Variants in SPRYD7 observed in about 807,000 individuals in gnomAD.
The protein encoded by SPRYD7 is SPRY domain-containing protein 7.
SPRYD7 carries 14 observed loss-of-function variants against 23.8 expected under a neutral mutation model. The ratio of observed to expected loss-of-function variants is 0.59; its 90% CI spans 0.39 to 0.92. The LOEUF (loss-of-function observed/expected upper bound fraction) is 0.92. SPRYD7 is among the 40% of genes least tolerant of loss of function. SPRYD7 has a pLI of 0.00. For synonymous variants in SPRYD7, 75 were observed against 84.9 expected (o/e 0.88, Z 0.64); for missense variants, 194 against 241.7 (o/e 0.80, Z 1.31).
intron 3 of SPRYD7, among the ~76,000 whole-genome samples, chr13:49,922,468 A>C (rs1955832360): frequency 6.6e-6 from 1 of 152,050 alleles, no homozygotes; most frequent in African/African-American, 2.4e-5. Context: ...TTACAGATGA[A>C]GCTAAAGCAC....
At chr13:49,930,453 T>C (rs1384109477) in intron 2 of SPRYD7, among the ~76,000 whole-genome samples, 1 of 151,986 alleles carries the variant, frequency 6.6e-6, no homozygotes, top group Non-Finnish European at 1.5e-5. Flanking sequence ...TGGTGGTGCA[T>C]GCCTGTAATC....
intron 4 of SPRYD7, among the ~76,000 whole-genome samples, chr13:49,919,125 A>G (rs971903082): frequency 2.0e-5 from 3 of 152,088 alleles, no homozygotes; most frequent in Non-Finnish European, 2.9e-5. Context: ...AAAGTTGATA[A>G]TACAAAATAG....
At chr13:49,922,067 A>T (rs577902540) in intron 3 of SPRYD7, among the ~76,000 whole-genome samples, 1 of 152,058 alleles carries the variant, frequency 6.6e-6, no homozygotes, top group African/African-American at 2.4e-5. Context: ...GAAATAACAC[A>T]TTTCTACATC....
chr13:49,918,308 TACCTC>T (rs1955774893), intron 4 of SPRYD7, among the ~76,000 whole-genome samples: 2 of 152,200 alleles, frequency 1.3e-5, no homozygotes, highest in Admixed American at 1.3e-4. Context: ...GAGCAACTCT[TACCTC>T]AGCCTCCCAA....
At chr13:49,922,034 T>C (rs1163728418) in intron 3 of SPRYD7, among the ~76,000 whole-genome samples, 1 of 152,058 alleles carries the variant, frequency 6.6e-6, no homozygotes, top group African/African-American at 2.4e-5. Flanking sequence ...AAGAAACGTC[T>C]CTATACATTT....
At chr13:49,929,392 G>T (rs1334866803) in intron 2 of SPRYD7, among the ~76,000 whole-genome samples, 1 of 152,174 alleles carries the variant, frequency 6.6e-6, no homozygotes, top group African/African-American at 2.4e-5. Flanking sequence ...CCAAGTAATA[G>T]TAAGATTCAT....
chr13:49,920,427 T>C (rs1955805306), intron 4 of SPRYD7, among the ~76,000 whole-genome samples: 1 of 152,216 alleles, frequency 6.6e-6, no homozygotes, highest in Non-Finnish European at 1.5e-5. Flanking sequence ...TTATTTATAA[T>C]TATGTTTCCT....
At chr13:49,928,228 T>C in intron 2 of SPRYD7, 143 bp from the exon 3 acceptor site, 2 of 725,056 alleles carry the variant, frequency 2.8e-6, no homozygotes, top group Non-Finnish European at 4.2e-6. Flanking sequence ...AAATCTTCTT[T>C]TAGAAGTAGT....
chr13:49,921,405 T>G, intron 4 of SPRYD7, 73 bp downstream of exon 4: 1 of 979,852 alleles, frequency 1.0e-6, no homozygotes, highest in Admixed American at 1.7e-5. Flanking sequence ...TATAGCAGCA[T>G]GAAAACAGAC....
chr13:49,928,188 A>C, intron 2 of SPRYD7, 103 bp from the exon 3 acceptor site: 2 of 1,009,186 alleles, frequency 2.0e-6, no homozygotes, highest in Non-Finnish European at 2.9e-6. Context: ...CTGTATTAAC[A>C]CTAAATTGTT....
intron 3 of SPRYD7, 128 bp downstream of exon 3, chr13:49,927,791 C>A: frequency 1.1e-6 from 1 of 935,236 alleles, no homozygotes; most frequent in Non-Finnish European, 1.6e-6. Context: ...GGAAAATGCA[C>A]CATCTCATTA....
Position 49,929,544 on chromosome 13 carries a change from G to A in SPRYD7, c.224-1459C>T, listed in dbSNP as rs562005163. Among the ~76,000 whole-genome samples, 3 of 152,242 alleles carry A rather than the reference G, an allele frequency of 2.0e-5. No homozygotes were observed. The South Asian group carries it at 6.2e-4, about 32-fold the overall frequency. ...AGAGTCTTGTACTGTTGCCCAGGCT[G>A]GAGCGCAGTGGCACGATCTCGGCTC... On this transcript the variant is annotated intron_variant, in intron 2 of 4. Transcript: ENST00000361840.
chr13:49,920,380 C>T (rs1477742969), intron 4 of SPRYD7, among the ~76,000 whole-genome samples: 2 of 152,142 alleles, frequency 1.3e-5, no homozygotes, highest in East Asian at 1.9e-4. Flanking sequence ...TATTAATGTA[C>T]AGTCTACATA....
intron 4 of SPRYD7, among the ~76,000 whole-genome samples, chr13:49,918,743 C>A (rs891339071): frequency 2.6e-5 from 4 of 151,328 alleles, no homozygotes; most frequent in Non-Finnish European, 5.9e-5. Flanking sequence ...GAGACTAAGT[C>A]TTGCTCTGTC....
chr13:49,930,645 C>T (rs974604430), intron 2 of SPRYD7, among the ~76,000 whole-genome samples: 4 of 151,870 alleles, frequency 2.6e-5, no homozygotes, highest in Admixed American at 2.0e-4. Flanking sequence ...AAATAAATAG[C>T]AAGAGTATAT....
chr13:49,917,838 G>A (rs1001478059), intron 4 of SPRYD7, among the ~76,000 whole-genome samples: 2 of 152,052 alleles, frequency 1.3e-5, no homozygotes, highest in African/African-American at 4.8e-5. Flanking sequence ...TACCCAATAT[G>A]CAACACTAAA....
chr13:49,919,643 C>T (rs1386101814), intron 4 of SPRYD7, among the ~76,000 whole-genome samples: 1 of 150,352 alleles, frequency 6.7e-6, no homozygotes, highest in Non-Finnish European at 1.5e-5. Flanking sequence ...ACGAGAATAT[C>T]TTGAACCCAG....
intron 4 of SPRYD7, among the ~76,000 whole-genome samples, chr13:49,920,747 G>A (rs1034409697): frequency 1.3e-5 from 2 of 152,078 alleles, no homozygotes; most frequent in African/African-American, 4.8e-5. Flanking sequence ...GATCATCTGA[G>A]GTCAGGAGTT....
At chr13:49,929,354 G>A (rs1175315423) in intron 2 of SPRYD7, among the ~76,000 whole-genome samples, 1 of 151,944 alleles carries the variant, frequency 6.6e-6, no homozygotes, top group Non-Finnish European at 1.5e-5. Context: ...TAAGCCCTAG[G>A]GGGAAATTTT....
Sources: allele counts gnomAD v4.1 joint callset (sites outside exome capture counted in the v4.1 genomes callset), GRCh38; gene constraint gnomAD v4.1.1; transcripts MANE v1.5; gene names NCBI Gene and HGNC (gene_info 2026-07-23, HGNC 2026-07-21).